Variants in IGSF3 observed in about 807,000 individuals in gnomAD.
IGSF3 encodes immunoglobulin superfamily member 3.
In IGSF3, 23 loss-of-function variants were observed where a neutral mutation model predicts 114.4. The ratio of observed to expected loss-of-function variants is 0.20; its 90% CI spans 0.14 to 0.28. The LOEUF (loss-of-function observed/expected upper bound fraction) is 0.28. Among genes scored for constraint, IGSF3 ranks in the 10% least tolerant of loss-of-function variants. The pLI, the probability that IGSF3 is intolerant of heterozygous loss-of-function variation, is 1.00. For synonymous variants in IGSF3, 571 were observed against 645.2 expected (o/e 0.88, Z 1.74); for missense variants, 1,172 against 1,591.5 (o/e 0.74, Z 4.48).
Position 116,588,446 on chromosome 1 carries a change from T to C in IGSF3, c.2440+248A>G, listed in dbSNP as rs1223251808. Reference sequence around the variant, plus strand: ...TAACCACAGCTGCCCTGCTCCTTGGTGAAGATGGTATCCACAGAAGCAGAG... The same window carrying C: ...TAACCACAGCTGCCCTGCTCCTTGGCGAAGATGGTATCCACAGAAGCAGAG... On this transcript the variant is annotated intron_variant, in intron 8 of 10. Transcript: ENST00000369486. The surrounding 1 kb of genome is among the most constrained non-coding windows in gnomAD (Gnocchi z 4.9). Among the ~76,000 whole-genome samples, 2 of 152,154 alleles carry C rather than the reference T, an allele frequency of 1.3e-5. No homozygotes were observed. The highest frequency in any genetic ancestry group is 4.8e-5 in the African/African-American group (2 of 41,428).
rs1341450828 is a variant in IGSF3 at position 116,612,623 on chromosome 1, A to G, written c.832+1142T>C. Among the ~76,000 whole-genome samples the G allele has an allele frequency of 6.6e-6, 1 of 152,272 alleles. No individual in the cohort carries two copies. Among genetic ancestry groups the G allele is most frequent in the East Asian group, 1.9e-4 (1 of 5,196 alleles). ...CAGCAAATGGAACAGGGAGCCCAAG[A>G]GACAGGTCCTGACGAAGGACCCCAC... On this transcript the variant is annotated intron_variant, in intron 4 of 10. Coordinates refer to ENST00000369486, the MANE Select transcript of IGSF3 (RefSeq NM_001007237.3). This position sits in a 1 kb window ranked among gnomAD's most constrained non-coding sequence, Gnocchi z 4.1.
At position 116,577,525 on chromosome 1, in the gene IGSF3, T is replaced by G; in HGVS notation, c.3372A>C (p.Ala1124=). 1.2e-6 allele frequency: 2 copies of G among 1,613,538 alleles called. No individual in the cohort carries two copies. Among genetic ancestry groups the G allele is most frequent in the Non-Finnish European group, 1.7e-6 (2 of 1,179,850 alleles). Reference sequence around the variant, plus strand: ...GGTAGAAGAAGACGAAGTAGAAGAGTGCGTCGTTGGAGCAGATGATGGACT... The same window carrying G: ...GGTAGAAGAAGACGAAGTAGAAGAGGGCGTCGTTGGAGCAGATGATGGACT... ...TLQSIICSND[A]LFYFVFFYPF... Residue 1124 remains alanine, a synonymous_variant, in exon 11 of 11, where the codon GCA becomes GCC. Coordinates refer to ENST00000369486, the MANE Select transcript of IGSF3 (RefSeq NM_001007237.3). This position sits in a 1 kb window ranked among gnomAD's most constrained non-coding sequence, Gnocchi z 5.7.
At chr1:116,646,783 T>C (rs1410080286) in intron 2 of IGSF3, 3 of 152,238 alleles carry the variant, frequency 2.0e-5, no homozygotes, top group Admixed American at 6.5e-5. Context: ...GCCTGTTACA[T>C]GCCTGTGTTT....
rs1318150172 is a variant in IGSF3 at position 116,610,617 on chromosome 1, G to A, written c.833-2286C>T. On this transcript the variant is annotated intron_variant, in intron 4 of 10. Coordinates refer to ENST00000369486, the MANE Select transcript of IGSF3 (RefSeq NM_001007237.3). The surrounding 1 kb of genome is among the most constrained non-coding windows in gnomAD (Gnocchi z 4.3). Reference sequence around the variant, plus strand: ...CAAAGGCTTTCCTCAAGCAGGTTGAGGCCTCTGAGCCTGCTCCATGATCCC... The same window carrying A: ...CAAAGGCTTTCCTCAAGCAGGTTGAAGCCTCTGAGCCTGCTCCATGATCCC... 2.0e-5 allele frequency among the ~76,000 whole-genome samples: 3 copies of A among 152,108 alleles called. No individual in the cohort carries two copies. The highest frequency in any genetic ancestry group is 6.5e-5 in the Admixed American group (1 of 15,268).
Position 116,584,496 on chromosome 1 carries a change from A to G in IGSF3, c.2848+149T>C. ...ATTCACAAGAAAAAAAATTCAGGCAATTTTGAATATAAATGCATATACATG... is the reference window on the plus strand; with the variant it reads ...ATTCACAAGAAAAAAAATTCAGGCAGTTTTGAATATAAATGCATATACATG... On this transcript the variant is annotated intron_variant, in intron 9 of 10. Coordinates refer to ENST00000369486, the MANE Select transcript of IGSF3 (RefSeq NM_001007237.3). This position sits in a 1 kb window ranked among gnomAD's most constrained non-coding sequence, Gnocchi z 5.8. The G allele has an allele frequency of 2.5e-6, 2 of 789,738 alleles. No individual in the cohort carries two copies. Among genetic ancestry groups the G allele is most frequent in the Middle Eastern group, 3.2e-4 (1 of 3,120 alleles). 48.9% of individuals were successfully genotyped at this position (789,738 alleles called of 1,614,324 possible).
rs1345139038 is a variant in IGSF3 at position 116,595,963 on chromosome 1, A to C, written c.2029+3978T>G. Among the ~76,000 whole-genome samples, 1 of 152,262 alleles carries C rather than the reference A, an allele frequency of 6.6e-6. No individual in the cohort carries two copies. Among genetic ancestry groups the C allele is most frequent in the African/African-American group, 2.4e-5 (1 of 41,470 alleles). On this transcript the variant is annotated intron_variant, in intron 7 of 10. Coordinates refer to ENST00000369486, the MANE Select transcript of IGSF3 (RefSeq NM_001007237.3). This position sits in a 1 kb window ranked among gnomAD's most constrained non-coding sequence, Gnocchi z 4.2. Reference sequence around the variant, plus strand: ...TGATCAATGGGGATCAGACTAAGCTAGATCAATGGCAACGTTGACAGTGAT... The same window carrying C: ...TGATCAATGGGGATCAGACTAAGCTCGATCAATGGCAACGTTGACAGTGAT...
At chr1:116,635,769 T>C (rs936843681) in intron 2 of IGSF3, among the ~76,000 whole-genome samples, 8 of 152,224 alleles carry the variant, frequency 5.3e-5, no homozygotes, top group African/African-American at 1.9e-4. Context: ...GGCAAACTCA[T>C]AAAGCATTTC....
At position 116,642,216 on chromosome 1, in the gene IGSF3, T is replaced by C. The variant is rs1441623591; in HGVS notation, c.43+24068A>G. On this transcript the variant is annotated intron_variant, in intron 2 of 10. Transcript: ENST00000369486. The surrounding 1 kb of genome is among the most constrained non-coding windows in gnomAD (Gnocchi z 5.4). ...CATCTGATTTTTGATTTTTAACATG[T>C]GCATGGATTACCTCTTATTAGAAAA... 6.6e-6 allele frequency among the ~76,000 whole-genome samples: 1 copy of C among 152,188 alleles called. No individual in the cohort carries two copies. Among genetic ancestry groups the C allele is most frequent in the African/African-American group, 2.4e-5 (1 of 41,440 alleles).
intron 9 of IGSF3, among the ~76,000 whole-genome samples, chr1:116,581,421 A>C (rs766134748): frequency 3.3e-5 from 5 of 149,906 alleles, no homozygotes; most frequent in Non-Finnish European, 7.4e-5. Flanking sequence ...TCTGCTTATG[A>C]AATGTTCATG....
chr1:116,636,436 G>A lies in IGSF3; in HGVS notation c.44-19979C>T, dbSNP rs1245708512. On this transcript the variant is annotated intron_variant, in intron 2 of 10. Transcript: ENST00000369486. The surrounding 1 kb of genome is among the most constrained non-coding windows in gnomAD (Gnocchi z 4.5). Reference sequence around the variant, plus strand: ...AAGAACTGCTGCTCTCCAATAGCATGAAGTAGACAATGATGTTCTTAGCAT... The same window carrying A: ...AAGAACTGCTGCTCTCCAATAGCATAAAGTAGACAATGATGTTCTTAGCAT... Among the ~76,000 whole-genome samples, 3 of 152,192 alleles carry A rather than the reference G, an allele frequency of 2.0e-5. No homozygotes were observed. Among genetic ancestry groups the A allele is most frequent in the Non-Finnish European group, 4.4e-5 (3 of 68,026 alleles).
At position 116,598,332 on chromosome 1, in the gene IGSF3, T is replaced by TGTGAA. The variant is rs564875726; in HGVS notation, c.2029+1608_2029+1609insTTCAC. On this transcript the variant is annotated intron_variant, in intron 7 of 10. Coordinates refer to ENST00000369486, the MANE Select transcript of IGSF3 (RefSeq NM_001007237.3). The surrounding 1 kb of genome is among the most constrained non-coding windows in gnomAD (Gnocchi z 4.3). ...CAGGCAAGTGGGTACCTCGACATTT[T>TGTGAA]CCACAACAAGGGTTCACATAAAATG... is the stretch of plus-strand genomic sequence containing the variant. 4.9e-4 allele frequency among the ~76,000 whole-genome samples: 74 copies of TGTGAA among 152,314 alleles called. No homozygotes were observed. Among genetic ancestry groups the TGTGAA allele is most frequent in the African/African-American group, 1.7e-3 (71 of 41,572 alleles).
Position 116,666,931 on chromosome 1 carries a change from A to C in IGSF3, c.-605T>G, listed in dbSNP as rs1649357104. On this transcript the variant is annotated 5_prime_UTR_variant, in exon 2 of 11. Coordinates refer to ENST00000369486, the MANE Select transcript of IGSF3 (RefSeq NM_001007237.3). ...GCAAGTTGGCGTTCGGCAGCCCTGAAGCGGTACCCCAGCGCGAGCAGATTT... is the reference window on the plus strand; with the variant it reads ...GCAAGTTGGCGTTCGGCAGCCCTGACGCGGTACCCCAGCGCGAGCAGATTT... 1 of 403,386 alleles carries C rather than the reference A, an allele frequency of 2.5e-6. No homozygotes were observed. Among genetic ancestry groups the C allele is most frequent in the Non-Finnish European group, 4.4e-6 (1 of 229,044 alleles). The allele number at this position is 403,386 out of a possible 1,614,324, so 25.0% of individuals were successfully genotyped here.
At chr1:116,609,433 T>C (rs2049115813) in intron 4 of IGSF3, among the ~76,000 whole-genome samples, 1 of 151,644 alleles carries the variant, frequency 6.6e-6, no homozygotes, top group African/African-American at 2.4e-5. Context: ...CATGAGGGGG[T>C]GACCAAAGAG....
At chr1:116,609,790 T>C (rs76667950) in intron 4 of IGSF3, among the ~76,000 whole-genome samples, 1 of 152,174 alleles carries the variant, frequency 6.6e-6, no homozygotes, top group Middle Eastern at 3.4e-3. Flanking sequence ...TTCAAGCAGA[T>C]GAGGTTTCTG....
chr1:116,661,623 T>C lies in IGSF3; in HGVS notation c.43+4661A>G, dbSNP rs146871372. On this transcript the variant is annotated intron_variant, in intron 2 of 10. Coordinates refer to ENST00000369486, the MANE Select transcript of IGSF3 (RefSeq NM_001007237.3). This position sits in a 1 kb window ranked among gnomAD's most constrained non-coding sequence, Gnocchi z 4.0. ...GAGTCAAACGGAATAGCTTATTAGA[T>C]GTAAGAACACAGGATTTGGAACCAA... Among the ~76,000 whole-genome samples the C allele has an allele frequency of 6.6e-6, 1 of 152,300 alleles. No homozygotes were observed. The highest frequency in any genetic ancestry group is 2.4e-5 in the African/African-American group (1 of 41,556).
At chr1:116,635,732 G>C (rs545355220) in intron 2 of IGSF3, among the ~76,000 whole-genome samples, 1 of 152,212 alleles carries the variant, frequency 6.6e-6, no homozygotes, top group Non-Finnish European at 1.5e-5. Flanking sequence ...AACAACATCT[G>C]GTTATGGGGT....
Position 116,584,519 on chromosome 1 carries a change from A to G in IGSF3, c.2848+126T>C. 1 of 933,250 alleles carries G rather than the reference A, an allele frequency of 1.1e-6. No homozygotes were observed. Among genetic ancestry groups the G allele is most frequent in the Non-Finnish European group, 1.6e-6 (1 of 610,624 alleles). The allele number at this position is 933,250 out of a possible 1,614,324, so 57.8% of individuals were successfully genotyped here. A position where few individuals can be genotyped will look rare whatever the true frequency, so the allele number is the denominator to read the frequency against. The stretch of plus-strand genomic sequence containing the variant: ...CAATTTTGAATATAAATGCATATAC[A>G]TGTAGACACTCATATATTTAACTGC... On this transcript the variant is annotated intron_variant, in intron 9 of 10. Coordinates refer to ENST00000369486, the MANE Select transcript of IGSF3 (RefSeq NM_001007237.3). This position sits in a 1 kb window ranked among gnomAD's most constrained non-coding sequence, Gnocchi z 5.8.
chr1:116,639,302 G>A (rs1023517269), intron 2 of IGSF3, among the ~76,000 whole-genome samples: 1 of 152,236 alleles, frequency 6.6e-6, no homozygotes, highest in African/African-American at 2.4e-5. Flanking sequence ...AGGTCTTAAA[G>A]GGTTTGTGTC....
At chr1:116,656,740 CA>C (rs1200251589) in intron 2 of IGSF3, among the ~76,000 whole-genome samples, 3 of 152,044 alleles carry the variant, frequency 2.0e-5, no homozygotes, top group Admixed American at 6.6e-5. Flanking sequence ...CCTGACTGGC[CA>C]ACATGGTGAA....
Sources: gnomAD v4.1 joint callset for allele counts (sites outside exome capture counted in the v4.1 genomes callset) on GRCh38, gnomAD v4.1.1 for gene constraint, Gnocchi (gnomAD v3.1) non-coding constraint, MANE v1.5 for transcripts, NCBI Gene and HGNC (gene_info 2026-07-23, HGNC 2026-07-21) for gene names.